Variants in MEIS1 observed in about 807,000 individuals in gnomAD.
MEIS1 encodes homeobox protein Meis1.
In MEIS1, 5 loss-of-function variants were observed where a neutral mutation model predicts 50.8. The observed-to-expected ratio is 0.10, with a 90% CI of 0.05 to 0.21. MEIS1 has a LOEUF of 0.21. Among genes scored for constraint, MEIS1 ranks in the 10% least tolerant of loss-of-function variants. The probability of loss-of-function intolerance (pLI) is 1.00; values close to 1 mark genes in which losing one functional copy is unlikely to be tolerated. For synonymous variants in MEIS1, 176 were observed against 179.3 expected (o/e 0.98, Z 0.15); for missense variants, 318 against 517.3 (o/e 0.61, Z 3.74).
At chr2:66,520,197 G>A (rs1032692135) in intron 8 of MEIS1, among the ~76,000 whole-genome samples, 2 of 151,864 alleles carry the variant, frequency 1.3e-5, no homozygotes, top group Non-Finnish European at 1.5e-5. Flanking sequence ...CCAGTTGGCC[G>A]GGCGCGGTGG....
chr2:66,465,439 G>A (rs896566670), intron 7 of MEIS1, among the ~76,000 whole-genome samples: 1 of 152,100 alleles, frequency 6.6e-6, no homozygotes, highest in South Asian at 2.1e-4. Context: ...AATCCAAGGG[G>A]CCTTTTTTCT....
intron 6 of MEIS1, among the ~76,000 whole-genome samples, chr2:66,457,274 T>G (rs1672414270): frequency 6.6e-6 from 1 of 151,990 alleles, no homozygotes; most frequent in African/African-American, 2.4e-5. Flanking sequence ...GCAGGCTGTA[T>G]CTAGCAAATT....
At chr2:66,445,048 C>G (rs1672094882) in intron 6 of MEIS1, 1 of 152,172 alleles carries the variant, frequency 6.6e-6, no homozygotes, top group South Asian at 2.1e-4. Flanking sequence ...TTCTCCTTCC[C>G]TAAACTTTTG....
At chr2:66,520,810 T>A (rs1178749479) in intron 8 of MEIS1, among the ~76,000 whole-genome samples, 1 of 152,118 alleles carries the variant, frequency 6.6e-6, no homozygotes, top group Admixed American at 6.5e-5. Flanking sequence ...TTTAGAGAAG[T>A]TAATGATTTT....
chr2:66,509,237 T>G, intron 7 of MEIS1: 1 of 349,640 alleles, frequency 2.9e-6, no homozygotes, highest in Non-Finnish European at 5.8e-6. Flanking sequence ...AAGTGTTTGC[T>G]TTTAGAATAG....
In MEIS1 at chr2:66,437,960, A is replaced by G; in HGVS notation, c.236A>G (p.Tyr79Cys). 1.3e-6 allele frequency: 2 copies of G among 1,566,266 alleles called. No individual in the cohort carries two copies. Among genetic ancestry groups the G allele is most frequent in the Non-Finnish European group, 1.7e-6 (2 of 1,155,132 alleles). ...TTAAAGAGAGATAAAGATGCCATTTATGGGTAGGTACAATGGGCAGCAGGT... is the reference window on the plus strand; with the variant it reads ...TTAAAGAGAGATAAAGATGCCATTTGTGGGTAGGTACAATGGGCAGCAGGT... Reference protein sequence around the residue: ...DALKRDKDAIYGHPLFPLLAL... With the variant: ...DALKRDKDAICGHPLFPLLAL... Residue 79 changes from tyrosine to cysteine, a missense_variant, in exon 2 of 13, where the codon TAT becomes TGT. Transcript: ENST00000272369.
At chr2:66,435,993 T>A in intron 1 of MEIS1, 125 bp downstream of exon 1, 1 of 779,262 alleles carries the variant, frequency 1.3e-6, no homozygotes, top group Non-Finnish European at 2.0e-6. Context: ...CCTAAAGCCG[T>A]GGCCTAAGCG....
At chr2:66,525,575 A>G (rs953800586) in intron 8 of MEIS1, among the ~76,000 whole-genome samples, 5 of 152,190 alleles carry the variant, frequency 3.3e-5, no homozygotes, top group South Asian at 2.1e-4. Flanking sequence ...CCAACTTTCA[A>G]TGTTTTTTAA....
chr2:66,442,820 CA>C (rs1672028940), intron 5 of MEIS1, 81 bp from the exon 6 acceptor site: 1 of 1,346,432 alleles, frequency 7.4e-7, no homozygotes, highest in East Asian at 2.7e-5. Context: ...TTGGATCTCA[CA>C]AGGGGGGTGG....
intron 9 of MEIS1, among the ~76,000 whole-genome samples, chr2:66,557,523 T>A (rs576352531): frequency 6.6e-6 from 1 of 152,328 alleles, no homozygotes; most frequent in East Asian, 1.9e-4. Context: ...ACCAATGTGA[T>A]CATGGAATAC....
chr2:66,533,039 T>C (rs570793962), intron 8 of MEIS1, among the ~76,000 whole-genome samples: 1 of 152,334 alleles, frequency 6.6e-6, no homozygotes, highest in African/African-American at 2.4e-5. Flanking sequence ...CCGAATACTT[T>C]ATTTCCAAAG....
intron 7 of MEIS1, among the ~76,000 whole-genome samples, chr2:66,487,071 T>A (rs940458469): frequency 6.6e-6 from 1 of 152,196 alleles, no homozygotes; most frequent in African/African-American, 2.4e-5. Context: ...CTGTTCCTAT[T>A]TGAATACCCT....
intron 9 of MEIS1, among the ~76,000 whole-genome samples, chr2:66,555,254 T>TTCTCTCTC (rs776470607): frequency 1.7e-4 from 6 of 35,472 alleles, no homozygotes; most frequent in Non-Finnish European, 3.0e-4. Flanking sequence ...TGTGTACGTG[T>TTCTCTCTC]TCTCTCTCTC....
At chr2:66,466,727 C>T (rs1672645405) in intron 7 of MEIS1, among the ~76,000 whole-genome samples, 1 of 152,142 alleles carries the variant, frequency 6.6e-6, no homozygotes, top group Non-Finnish European at 1.5e-5. Flanking sequence ...AATAACAGCC[C>T]TCTTCAAAAG....
chr2:66,435,997 C>T, intron 1 of MEIS1, 129 bp downstream of exon 1: 1 of 728,818 alleles, frequency 1.4e-6, no homozygotes, highest in Non-Finnish European at 2.1e-6. Context: ...AAGCCGTGGC[C>T]TAAGCGAGAG....
intron 6 of MEIS1, chr2:66,443,347 A>G: frequency 3.3e-6 from 1 of 303,942 alleles, no homozygotes; most frequent in Non-Finnish European, 5.9e-6. Flanking sequence ...GGGAGTGTTA[A>G]CTGCCAGTGA....
At chr2:66,442,759 G>A (rs538864896) in intron 5 of MEIS1, 143 bp from the exon 6 acceptor site, 27 of 712,996 alleles carry the variant, frequency 3.8e-5, no homozygotes, top group African/African-American at 2.6e-4. Flanking sequence ...TTCTGGATGC[G>A]TCTGGGGGTC....
intron 6 of MEIS1, among the ~76,000 whole-genome samples, chr2:66,456,791 G>A (rs939880968): frequency 1.3e-5 from 2 of 152,218 alleles, no homozygotes; most frequent in African/African-American, 2.4e-5. Flanking sequence ...TGGCCTCTCT[G>A]CCAAAGATGA....
rs1383878481 is a variant in MEIS1, at chr2:66,440,000, G to C, written c.381+16G>C. 1 of 1,586,418 alleles carries C rather than the reference G, an allele frequency of 6.3e-7. No homozygotes were observed. The highest frequency in any genetic ancestry group is 2.3e-5 in the East Asian group (1 of 43,348). ...CGCCAAACAGGTCAGCAAAATAGAT[G>C]TTAAAAAGTAAAAGAAACAAAAAGA... On this transcript the variant is annotated intron_variant, in intron 3 of 12. Transcript: ENST00000272369.
Sources: gnomAD v4.1 joint callset for allele counts (sites outside exome capture counted in the v4.1 genomes callset) on GRCh38, gnomAD v4.1.1 for gene constraint, MANE v1.5 for transcripts, NCBI Gene and HGNC (gene_info 2026-07-23, HGNC 2026-07-21) for gene names.